EYS: variants seen among roughly 807,000 people sequenced by gnomAD.
EYS encodes EGF-like photoreceptor maintenance factor.
In EYS, 250 loss-of-function variants were observed where a neutral mutation model predicts 282.1. The ratio of observed to expected loss-of-function variants is 0.89; its 90% CI spans 0.80 to 0.98. The LOEUF is 0.98. Ranked by LOEUF, EYS falls within the 50% of genes least tolerant of loss-of-function variation. The probability of loss-of-function intolerance (pLI) is 0.00; values close to 1 mark genes in which losing one functional copy is unlikely to be tolerated. For missense variants in EYS, 4,016 were observed against 3,709.0 expected (o/e 1.08, Z -2.15); for synonymous variants, 1,355 against 1,282.9 (o/e 1.06, Z -1.20).
chr6:65,111,494 A>T (rs940706192), intron 12 of EYS, among the ~76,000 whole-genome samples: 6 of 152,174 alleles, frequency 3.9e-5, no homozygotes, highest in African/African-American at 1.4e-4. Context: ...TTATTTTGTC[A>T]CAAAATTCTA....
intron 2 of EYS, among the ~76,000 whole-genome samples, chr6:65,584,452 A>G (rs1297092769): frequency 6.6e-6 from 1 of 152,032 alleles, no homozygotes; most frequent in African/African-American, 2.4e-5. Flanking sequence ...GGATTTCAGG[A>G]TGAGTTTTTT....
chr6:65,197,257 C>T (rs1582006663), intron 12 of EYS, among the ~76,000 whole-genome samples: 1 of 151,900 alleles, frequency 6.6e-6, no homozygotes, highest in African/African-American at 2.4e-5. Flanking sequence ...TGATAAATAC[C>T]AGGATGGACA....
intron 26 of EYS, among the ~76,000 whole-genome samples, chr6:64,541,550 T>A (rs1764695909): frequency 6.6e-6 from 1 of 152,202 alleles, no homozygotes; most frequent in Middle Eastern, 3.2e-3. Flanking sequence ...TTCATTTTTT[T>A]TTCAGAAGCC....
chr6:64,100,015 C>T (rs561222770), intron 31 of EYS, among the ~76,000 whole-genome samples: 4 of 152,224 alleles, frequency 2.6e-5, no homozygotes, highest in African/African-American at 9.6e-5. Context: ...GCTAAACCGT[C>T]TCAGTTTTTT....
At chr6:63,878,804 C>T (rs1773050147) in intron 35 of EYS, among the ~76,000 whole-genome samples, 1 of 152,158 alleles carries the variant, frequency 6.6e-6, no homozygotes, top group Non-Finnish European at 1.5e-5. Context: ...TCCTGGTGTG[C>T]CATTTGCTAA....
chr6:65,445,432 T>G (rs1768616601), intron 5 of EYS, among the ~76,000 whole-genome samples: 2 of 145,266 alleles, frequency 1.4e-5, no homozygotes, highest in Middle Eastern at 3.7e-3. Flanking sequence ...TGAATAAAAT[T>G]TTACCACTTT....
At chr6:64,631,642 A>G (rs1213292229) in intron 22 of EYS, 1 of 152,074 alleles carries the variant, frequency 6.6e-6, no homozygotes, top group African/African-American at 2.4e-5. Flanking sequence ...TGGGAGTTTT[A>G]TAGATTTTAC....
At position 65,531,057 on chromosome 6, in the gene EYS, A is replaced by T. The variant is rs374659332; in HGVS notation, c.-332-35064T>A. ...TTTACAGTAGAAATATAAATGAATAATCTGTGTTTTTTACGGCACAATGGA... is the reference window on the plus strand; with the variant it reads ...TTTACAGTAGAAATATAAATGAATATTCTGTGTTTTTTACGGCACAATGGA... On this transcript the variant is annotated intron_variant, in intron 2 of 42. Coordinates refer to ENST00000503581, the MANE Select transcript of EYS (RefSeq NM_001142800.2). Among the ~76,000 whole-genome samples, 30 of 152,280 alleles carry T rather than the reference A, an allele frequency of 2.0e-4. No homozygotes were observed. In the East Asian group the frequency reaches 4.1e-3, roughly 21 times the overall value.
At chr6:64,085,340 GCACACA>G (rs71551560) in intron 31 of EYS, among the ~76,000 whole-genome samples, 1 of 139,814 alleles carries the variant, frequency 7.2e-6, no homozygotes, top group Non-Finnish European at 1.5e-5. Flanking sequence ...ACGTGCGCGC[GCACACA>G]CACACACACA....
At chr6:64,901,668 G>A (rs1374142232) in intron 18 of EYS, among the ~76,000 whole-genome samples, 1 of 151,818 alleles carries the variant, frequency 6.6e-6, no homozygotes. Context: ...TATCATTGTA[G>A]GTAAGACAAA....
chr6:64,816,329 A>G (rs767671185), intron 21 of EYS, among the ~76,000 whole-genome samples: 3 of 152,092 alleles, frequency 2.0e-5, no homozygotes, highest in African/African-American at 4.8e-5. Flanking sequence ...CATTAATTAT[A>G]TGGGCTTTTA....
chr6:65,034,390 A>G (rs1334740295), intron 13 of EYS, among the ~76,000 whole-genome samples: 3 of 152,078 alleles, frequency 2.0e-5, no homozygotes. Context: ...TATAGCATGG[A>G]TATTTGTCTC....
chr6:64,970,056 C>T (rs576436509), intron 14 of EYS, among the ~76,000 whole-genome samples: 8 of 151,432 alleles, frequency 5.3e-5, no homozygotes, highest in African/African-American at 1.9e-4. Context: ...CATTTATAAG[C>T]AGATTTTTTT....
intron 2 of EYS, among the ~76,000 whole-genome samples, chr6:65,616,553 C>G (rs1023259109): frequency 1.3e-5 from 2 of 151,842 alleles, no homozygotes; most frequent in Non-Finnish European, 2.9e-5. Context: ...TTTGGGAGGC[C>G]GAGGTGGGTG....
chr6:65,116,728 A>T (rs1473299135), intron 12 of EYS, among the ~76,000 whole-genome samples: 5 of 152,164 alleles, frequency 3.3e-5, no homozygotes, highest in African/African-American at 9.7e-5. Context: ...AAAAACAGAG[A>T]TGGTTGCATT....
At chr6:64,453,241 A>C (rs1279280859) in intron 26 of EYS, among the ~76,000 whole-genome samples, 3 of 152,134 alleles carry the variant, frequency 2.0e-5, no homozygotes, top group Non-Finnish European at 4.4e-5. Context: ...ATGCAGCCAA[A>C]ATACACATGA....
chr6:64,177,459 ATTC>A (rs1474498087), intron 31 of EYS, among the ~76,000 whole-genome samples: 1 of 152,124 alleles, frequency 6.6e-6, no homozygotes, highest in Admixed American at 6.6e-5. Flanking sequence ...ATTTTAAATT[ATTC>A]TTCTAATTAG....
chr6:65,442,157 C>A (rs896042800), intron 5 of EYS, among the ~76,000 whole-genome samples: 4 of 151,782 alleles, frequency 2.6e-5, no homozygotes, highest in South Asian at 2.1e-4. Context: ...TATAATTTTT[C>A]TAATAATTAG....
At chr6:64,458,639 T>C (rs573246136) in intron 26 of EYS, among the ~76,000 whole-genome samples, 6 of 152,144 alleles carry the variant, frequency 3.9e-5, no homozygotes, top group African/African-American at 1.4e-4. Flanking sequence ...GAGAATATGA[T>C]TATATCTTTC....
Sources: allele counts gnomAD v4.1 joint callset (sites outside exome capture counted in the v4.1 genomes callset), GRCh38; gene constraint gnomAD v4.1.1; transcripts MANE v1.5; gene names NCBI Gene and HGNC (gene_info 2026-07-23, HGNC 2026-07-21).